The following LARS1 variants were observed in gnomAD, a reference collection of about 807,000 sequenced individuals.
The protein encoded by LARS1 is leucine--tRNA ligase, cytoplasmic.
In LARS1, 100 loss-of-function variants were observed where a neutral mutation model predicts 162.8. The observed-to-expected ratio is 0.61, with a 90% CI of 0.52 to 0.73. LARS1 has a LOEUF of 0.73. Among genes scored for constraint, LARS1 ranks in the 30% least tolerant of loss-of-function variants. LARS1 has a pLI of 0.00. For synonymous variants in LARS1, 457 were observed against 462.8 expected (o/e 0.99, Z 0.16); for missense variants, 1,258 against 1,408.9 (o/e 0.89, Z 1.71).
Position 146,122,597 on chromosome 5 carries a change from C to T in LARS1, c.3097-10G>A, listed in dbSNP as rs534430761. The T allele has an allele frequency of 1.9e-4, 290 of 1,538,030 alleles. 6 individuals carry two copies. In the South Asian group the frequency reaches 2.3e-3, roughly 12 times the overall value. Reference sequence around the variant, plus strand: ...CTTCTATGTGTTCTAGCTAAACAGACGGGAAAAAATGGAAGTTATTAGTAT... The same window carrying T: ...CTTCTATGTGTTCTAGCTAAACAGATGGGAAAAAATGGAAGTTATTAGTAT... On this transcript the variant is annotated splice_polypyrimidine_tract_variant and intron_variant, in intron 29 of 31. Transcript: ENST00000394434.
chr5:146,146,339 G>GAAAAAA, intron 15 of LARS1, among the ~76,000 whole-genome samples: 1 of 90,436 alleles, frequency 1.1e-5, no homozygotes, highest in African/African-American at 5.3e-5. Flanking sequence ...GCAAAACTCC[G>GAAAAAA]AAAAAAAAAA....
chr5:146,164,452 G>C lies in LARS1; in HGVS notation c.452C>G (p.Ala151Gly). 1 of 1,613,978 alleles carries C rather than the reference G, an allele frequency of 6.2e-7. No homozygotes were observed. Among genetic ancestry groups the C allele is most frequent in the African/African-American group, 1.3e-5 (1 of 75,040 alleles). ...GCCCCACTGGTATTTAGAAGATCCAGCTTTAGCAGCAGCTTTACTCTGAAA... is the reference window on the plus strand; with the variant it reads ...GCCCCACTGGTATTTAGAAGATCCACCTTTAGCAGCAGCTTTACTCTGAAA... Reference protein sequence around the residue: ...KGKKSKAAAKAGSSKYQWGIM... With the variant: ...KGKKSKAAAKGGSSKYQWGIM... The change falls in exon 6 of 32, where the codon GCT becomes GGT. Residue 151 changes from alanine (A) to glycine (G), a missense_variant. Physicochemically the swap from Ala to Gly is moderately conservative, Grantham distance 60. Transcript: ENST00000394434.
chr5:146,117,496 G>A (rs1223073528), intron 31 of LARS1, among the ~76,000 whole-genome samples: 1 of 152,178 alleles, frequency 6.6e-6, no homozygotes, highest in Non-Finnish European at 1.5e-5. Flanking sequence ...TATAATCCCA[G>A]CTACTCAGTA....
chr5:146,156,238 G>A (rs1156317625), intron 10 of LARS1, among the ~76,000 whole-genome samples: 1 of 152,138 alleles, frequency 6.6e-6, no homozygotes, highest in Non-Finnish European at 1.5e-5. Context: ...TTTGGGACTT[G>A]TAAATATACT....
rs777918410 is a variant in LARS1 at position 146,159,452 on chromosome 5, C to T, written c.726G>A (p.Pro242=). 16 of 1,611,520 alleles carry T rather than the reference C, an allele frequency of 9.9e-6. No homozygotes were observed. In the East Asian group the frequency reaches 1.6e-4, roughly 16 times the overall value. ...GATCCATGCAAGGCTGTCCATCTTT[C>T]GGAGAGTAAATTGTATACCTAAAAA... The part of the protein sequence containing the change: ...KFGKRYTIYS[P]KDGQPCMDHD... The change falls in exon 8 of 32, where the codon CCG becomes CCA. Residue 242 remains proline, a synonymous_variant. Coordinates refer to ENST00000394434, the MANE Select transcript of LARS1 (RefSeq NM_020117.11).
intron 15 of LARS1, among the ~76,000 whole-genome samples, chr5:146,145,822 G>T (rs1752982456): frequency 6.6e-6 from 1 of 152,036 alleles, no homozygotes; most frequent in Non-Finnish European, 1.5e-5. Context: ...CCAATAAAAA[G>T]ACAACAAAGA....
intron 15 of LARS1, among the ~76,000 whole-genome samples, chr5:146,149,287 A>G (rs894129320): frequency 1.3e-5 from 2 of 152,226 alleles, no homozygotes; most frequent in African/African-American, 4.8e-5. Context: ...GAAGAGAGTT[A>G]TAACAGAAAC....
At position 146,143,079 on chromosome 5, in the gene LARS1, T is replaced by G; in HGVS notation, c.1883A>C (p.Gln628Pro). ...QAESPLGIRP[Q>P]QMTKEVWDYV... is the part of the protein sequence containing the mutation. ...ATCCCAAACTTCCTTGGTCATCTGT[T>G]GCGGTCTGTATTAAAAATAAAACAA... The change falls in exon 20 of 32, where the codon CAA (glutamine) becomes CCA (proline). Residue 628 changes from glutamine (Q) to proline (P), a missense_variant. Physicochemically the swap from Gln to Pro is moderately conservative, Grantham distance 76. Transcript: ENST00000394434. 6.2e-7 allele frequency: 1 copy of G among 1,606,370 alleles called. No individual in the cohort carries two copies. Among genetic ancestry groups the G allele is most frequent in the Non-Finnish European group, 8.5e-7 (1 of 1,175,290 alleles).
intron 15 of LARS1, among the ~76,000 whole-genome samples, chr5:146,145,435 A>G (rs1752970277): frequency 6.6e-6 from 1 of 152,074 alleles, no homozygotes. Context: ...AAAAAAAGAT[A>G]TACAAAGACT....
chr5:146,179,881 G>T (rs1426932897), intron 1 of LARS1, among the ~76,000 whole-genome samples: 1 of 152,218 alleles, frequency 6.6e-6, no homozygotes, highest in East Asian at 1.9e-4. Context: ...GACATTACAG[G>T]CTTGAGCCAT....
In LARS1 at chr5:146,128,717, T is replaced by A. The variant is rs1400396879; in HGVS notation, c.2835A>T (p.Pro945=). The A allele has an allele frequency of 6.3e-7, 1 of 1,596,750 alleles. No individual in the cohort carries two copies. The highest frequency in any genetic ancestry group is 1.7e-4 in the Middle Eastern group (1 of 6,022). ...HCTIYVAKNY[P]PWQHTTLSVL... is the part of the protein sequence containing the mutation. ...CAGACAGGGTGGTATGTTGCCAAGG[T>A]GGATAGTTCTTTGCCACATAGATGG... Residue 945 remains proline (P), a synonymous_variant, in exon 27 of 32, where the codon CCA becomes CCT. Coordinates refer to ENST00000394434, the MANE Select transcript of LARS1 (RefSeq NM_020117.11).
At chr5:146,180,422 TACA>T (rs1754785843) in intron 1 of LARS1, among the ~76,000 whole-genome samples, 1 of 151,866 alleles carries the variant, frequency 6.6e-6, no homozygotes, top group East Asian at 1.9e-4. Context: ...TAGTCCCAGC[TACA>T]CAGGAAGCTG....
At chr5:146,115,046 GAAAAAAAAAA>G (rs35008800) in intron 31 of LARS1, among the ~76,000 whole-genome samples, 6 of 97,650 alleles carry the variant, frequency 6.1e-5, no homozygotes, top group South Asian at 8.0e-4. Flanking sequence ...CTGTCGGGGG[GAAAAAAAAAA>G]AAAAAAAAAA....
At chr5:146,114,461 C>T (rs112808040) in intron 31 of LARS1, 150 bp from the exon 32 acceptor site, 14 of 670,314 alleles carry the variant, frequency 2.1e-5, no homozygotes, top group Middle Eastern at 4.2e-4. Flanking sequence ...ACGCTGGGTG[C>T]GGTGGCTCAC....
chr5:146,153,711 A>G lies in LARS1; in HGVS notation c.1230+23T>C, dbSNP rs557993472. On this transcript the variant is annotated intron_variant, in intron 12 of 31. Transcript: ENST00000394434. ...CAATGAGATGGTGAGGACGAAATAC[A>G]AACATGAAACTCAGATACTTACTTG... is the stretch of plus-strand genomic sequence containing the variant. The G allele has an allele frequency of 2.5e-6, 4 of 1,596,256 alleles. No individual in the cohort carries two copies. In the African/African-American group the frequency reaches 5.4e-5, roughly 21 times the overall value.
At chr5:146,134,824 C>T (rs1752437216) in intron 22 of LARS1, among the ~76,000 whole-genome samples, 1 of 152,160 alleles carries the variant, frequency 6.6e-6, no homozygotes, top group Admixed American at 6.5e-5. Flanking sequence ...AGGCACATGC[C>T]TGTAATCCCA....
At chr5:146,163,909 T>A (rs1581071599) in intron 6 of LARS1, among the ~76,000 whole-genome samples, 1 of 152,282 alleles carries the variant, frequency 6.6e-6, no homozygotes, top group East Asian at 1.9e-4. Context: ...TTCAAGATTG[T>A]TGTTTATTAG....
intron 15 of LARS1, among the ~76,000 whole-genome samples, chr5:146,149,062 C>T (rs11954923): frequency 0.22 from 33,784 of 151,242 alleles, 4,811 homozygotes; most frequent in Admixed American, 0.34. Context: ...GTAACAAGAG[C>T]GAAACTCCAT....
chr5:146,142,798 A>T, intron 20 of LARS1, 74 bp downstream of exon 20: 1 of 1,087,454 alleles, frequency 9.2e-7, no homozygotes, highest in Non-Finnish European at 1.3e-6. Flanking sequence ...ACAATAATTT[A>T]TTAGATATTT....
Sources: allele counts gnomAD v4.1 joint callset (sites outside exome capture counted in the v4.1 genomes callset), GRCh38; gene constraint gnomAD v4.1.1; transcripts MANE v1.5; gene names NCBI Gene and HGNC (gene_info 2026-07-23, HGNC 2026-07-21).